Variants in ARMC2 observed in about 807,000 individuals in gnomAD.
The protein encoded by ARMC2 is armadillo repeat-containing protein 2.
ARMC2 carries 67 observed loss-of-function variants against 90.3 expected under a neutral mutation model. The ratio of observed to expected loss-of-function variants is 0.74; its 90% CI spans 0.61 to 0.91. The LOEUF (loss-of-function observed/expected upper bound fraction) is 0.91. ARMC2 is among the 40% of genes least tolerant of loss of function. The pLI, the probability that ARMC2 is intolerant of heterozygous loss-of-function variation, is 0.00. For missense variants in ARMC2, 920 were observed against 1,030.9 expected, an observed-to-expected ratio of 0.89 and a Z score of 1.47; for synonymous variants, 393 against 393.0, an observed-to-expected ratio of 1.00 and a Z score of 0.00.
chr6:108,998,031 AAAAG>A, the ARMC2 span, among the ~76,000 whole-genome samples: 2 of 152,368 alleles, frequency 1.3e-5, no homozygotes, highest in Admixed American at 1.3e-4. Flanking sequence ...TTAAACATGA[AAAAG>A]AATTCTGAAG....
the ARMC2 span, among the ~76,000 whole-genome samples, chr6:109,006,586 C>CT: frequency 6.6e-6 from 1 of 152,110 alleles, no homozygotes; most frequent in African/African-American, 2.4e-5. Context: ...TCAATGACAT[C>CT]TGGTTCTAGA....
intron 5 of ARMC2, among the ~76,000 whole-genome samples, chr6:108,878,150 A>C (rs768444763): frequency 2.0e-5 from 3 of 152,248 alleles, no homozygotes; most frequent in Non-Finnish European, 4.4e-5. Context: ...TCTTTCATTA[A>C]TGATGTTAAT....
At chr6:108,916,080 GAA>G (rs5879004) in intron 10 of ARMC2, among the ~76,000 whole-genome samples, 1 of 151,670 alleles carries the variant, frequency 6.6e-6, no homozygotes, top group Non-Finnish European at 1.5e-5. Flanking sequence ...TTGCTTAGAG[GAA>G]AAAAAAACAC....
the ARMC2 span, among the ~76,000 whole-genome samples, chr6:108,996,043 G>A: frequency 3.3e-5 from 5 of 151,970 alleles, no homozygotes; most frequent in East Asian, 5.8e-4. Flanking sequence ...ATTGTTACTC[G>A]CATGATATTG....
chr6:108,884,487 T>G (rs963738187), intron 5 of ARMC2, among the ~76,000 whole-genome samples: 2 of 152,140 alleles, frequency 1.3e-5, no homozygotes, highest in African/African-American at 4.8e-5. Context: ...AATTCTGACT[T>G]GAGGATCAAG....
At chr6:108,884,848 A>G (rs1490596802) in intron 5 of ARMC2, among the ~76,000 whole-genome samples, 1 of 152,208 alleles carries the variant, frequency 6.6e-6, no homozygotes, top group Non-Finnish European at 1.5e-5. Flanking sequence ...CTGTTGTAGC[A>G]GTTCTGGCGT....
chr6:108,943,267 C>T (rs1776583036), intron 12 of ARMC2, among the ~76,000 whole-genome samples: 1 of 151,940 alleles, frequency 6.6e-6, no homozygotes, highest in Non-Finnish European at 1.5e-5. Flanking sequence ...TTTATATATT[C>T]GAGTATATAA....
downstream of ARMC2, among the ~76,000 whole-genome samples, chr6:108,977,006 C>T (rs963112353): frequency 1.3e-5 from 2 of 152,166 alleles, no homozygotes; most frequent in Non-Finnish European, 2.9e-5. Flanking sequence ...CTTTCTCTTG[C>T]CTGATTGCCC....
rs1165807542 is a variant in ARMC2 at position 108,904,659 on chromosome 6, AAGAAG to A, written c.1023+256_1023+260del. ...CTGCAACTAAGTTAAAAAAAAAAAAAAGAAGAAGAAGAAGGAAGGAAGGAAAGGCA... is the reference window on the plus strand; with the variant it reads ...CTGCAACTAAGTTAAAAAAAAAAAAAAAGAAGAAGGAAGGAAGGAAAGGCA... On this transcript the variant is annotated intron_variant, in intron 8 of 17. Transcript: ENST00000392644. 4.8e-3 allele frequency among the ~76,000 whole-genome samples: 643 copies of A among 134,134 alleles called. 3 individuals are homozygous for A. Among genetic ancestry groups the A allele is most frequent in the African/African-American group, 0.016 (579 of 37,140 alleles). The allele number at this position is 134,134 out of a possible 152,430, so 88.0% of individuals were successfully genotyped here. A position where few individuals can be genotyped will look rare whatever the true frequency, so the allele number is the denominator to read the frequency against.
rs147061787 is a variant in ARMC2, at chr6:108,904,865, T to G, written c.1023+460T>G. Among the ~76,000 whole-genome samples, 236 of 152,318 alleles carry G rather than the reference T, an allele frequency of 1.5e-3. 2 individuals are homozygous for G. Among genetic ancestry groups the G allele is most frequent in the Admixed American group, 4.4e-3 (68 of 15,294 alleles). ...CCACAGTCATAATAAATCAGGTGCT[T>G]TAGGAACCAGTGTGAAACCGAAATA... On this transcript the variant is annotated intron_variant, in intron 8 of 17. Coordinates refer to ENST00000392644, the MANE Select transcript of ARMC2 (RefSeq NM_032131.6).
chr6:109,045,418 C>G, the ARMC2 span, among the ~76,000 whole-genome samples: 1 of 152,072 alleles, frequency 6.6e-6, no homozygotes, highest in Non-Finnish European at 1.5e-5. Flanking sequence ...ATAGGTTCCC[C>G]CTAACTTTCA....
At chr6:109,009,681 C>G in the ARMC2 span, 1 of 486,320 alleles carries the variant, frequency 2.1e-6, no homozygotes, top group South Asian at 9.0e-5. Flanking sequence ...CCCTCCGGCG[C>G]GGAGGCTGGG....
intron 8 of ARMC2, among the ~76,000 whole-genome samples, chr6:108,909,047 G>A (rs1026505994): frequency 2.6e-5 from 4 of 152,102 alleles, no homozygotes; most frequent in African/African-American, 9.7e-5. Flanking sequence ...TCTAAGCTGG[G>A]GAAGAAGAGT....
chr6:109,042,470 G>A, the ARMC2 span, among the ~76,000 whole-genome samples: 1 of 151,188 alleles, frequency 6.6e-6, no homozygotes, highest in East Asian at 1.9e-4. Context: ...AGACTGACAC[G>A]GGAATTAAGA....
At chr6:108,948,106 A>G (rs1198083956) in intron 12 of ARMC2, among the ~76,000 whole-genome samples, 1 of 152,224 alleles carries the variant, frequency 6.6e-6, no homozygotes, top group Non-Finnish European at 1.5e-5. Flanking sequence ...ACAAATCTTT[A>G]TAGAATATTA....
chr6:109,008,084 C>T, the ARMC2 span, among the ~76,000 whole-genome samples: 3 of 152,156 alleles, frequency 2.0e-5, no homozygotes, highest in African/African-American at 7.2e-5. Context: ...TTCCCGGTTT[C>T]CTCAACACAA....
chr6:108,906,119 CCAGA>C (rs1772665416), intron 8 of ARMC2, among the ~76,000 whole-genome samples: 1 of 152,108 alleles, frequency 6.6e-6, no homozygotes, highest in Non-Finnish European at 1.5e-5. Context: ...TGAAAGTTTT[CCAGA>C]CAGTCATCTT....
At chr6:108,862,363 A>AAAAAAAAAAAAC in intron 3 of ARMC2, among the ~76,000 whole-genome samples, 1 of 149,322 alleles carries the variant, frequency 6.7e-6, no homozygotes, top group African/African-American at 2.5e-5. Flanking sequence ...AAAAAACAAA[A>AAAAAAAAAAAAC]AAAACAAACA....
the ARMC2 span, among the ~76,000 whole-genome samples, chr6:108,992,064 T>C: frequency 5.3e-5 from 8 of 152,284 alleles, no homozygotes; most frequent in Non-Finnish European, 1.2e-4. Context: ...ATAATTATTC[T>C]ATAACTCTTC....
Sources: gnomAD v4.1 joint callset for allele counts (sites outside exome capture counted in the v4.1 genomes callset) on GRCh38, gnomAD v4.1.1 for gene constraint, MANE v1.5 for transcripts, NCBI Gene and HGNC (gene_info 2026-07-23, HGNC 2026-07-21) for gene names.